The following RBFOX1 variants were observed in gnomAD, a reference collection of about 807,000 sequenced individuals.
The protein encoded by RBFOX1 is RNA binding protein fox-1 homolog 1.
Under a neutral mutation model 57.7 loss-of-function variants are expected in RBFOX1, and 8 were observed. That is an observed-to-expected ratio of 0.14 (90% confidence interval 0.08 to 0.25). The LOEUF (loss-of-function observed/expected upper bound fraction) is 0.25, where lower values mean the gene tolerates loss of function less well. Ranked by LOEUF, RBFOX1 falls within the 10% of genes least tolerant of loss-of-function variation. The pLI is 1.00. For missense variants in RBFOX1, 611 were observed against 548.5 expected, an observed-to-expected ratio of 1.11 and a Z score of -1.14; for synonymous variants, 326 against 222.4, an observed-to-expected ratio of 1.47 and a Z score of -4.15.
At chr16:7,501,036 A>T (rs971172652) in intron 4 of RBFOX1, among the ~76,000 whole-genome samples, 1 of 152,162 alleles carries the variant, frequency 6.6e-6, no homozygotes, top group Non-Finnish European at 1.5e-5. Context: ...CCATGATTGT[A>T]AGTTTCCTGA....
intron 1 of RBFOX1, among the ~76,000 whole-genome samples, chr16:6,183,284 T>C: frequency 6.6e-6 from 1 of 151,718 alleles, no homozygotes; most frequent in East Asian, 1.9e-4. Flanking sequence ...ATCGAGACCA[T>C]CCTGGGTAAC....
chr16:7,661,831 G>T (rs140019121), intron 12 of RBFOX1, among the ~76,000 whole-genome samples: 24 of 152,268 alleles, frequency 1.6e-4, no homozygotes, highest in African/African-American at 5.8e-4. Flanking sequence ...ATCAATGTAG[G>T]ATGTCAGCAA....
chr16:5,669,072 C>T (rs2049937842), intron 3 of RBFOX1, among the ~76,000 whole-genome samples: 2 of 152,116 alleles, frequency 1.3e-5, no homozygotes, highest in Admixed American at 1.3e-4. Flanking sequence ...GGATAGCACC[C>T]CAACAAAGAT....
chr16:6,659,296 T>C (rs2098686289), intron 3 of RBFOX1, among the ~76,000 whole-genome samples: 1 of 152,132 alleles, frequency 6.6e-6, no homozygotes, highest in African/African-American at 2.4e-5. Flanking sequence ...CTGGTGCAGC[T>C]AAACAGTTTC....
chr16:6,602,436 A>C (rs901257805), intron 2 of RBFOX1, among the ~76,000 whole-genome samples: 1 of 152,178 alleles, frequency 6.6e-6, no homozygotes, highest in African/African-American at 2.4e-5. Context: ...CTCTAGAGCA[A>C]GAAGGGAAGG....
At chr16:6,810,883 C>T (rs921929391) in intron 3 of RBFOX1, among the ~76,000 whole-genome samples, 2 of 152,094 alleles carry the variant, frequency 1.3e-5, no homozygotes, top group African/African-American at 2.4e-5. Context: ...GTGGGGATTA[C>T]GGTTCAAGAG....
intron 3 of RBFOX1, among the ~76,000 whole-genome samples, chr16:5,827,916 TCCAC>T (rs2056127332): frequency 1.7e-5 from 2 of 118,722 alleles, no homozygotes; most frequent in Admixed American, 7.9e-5. Flanking sequence ...CATCCATCCA[TCCAC>T]CCATCCACCC....
chr16:6,696,094 C>A (rs568185721), intron 3 of RBFOX1, among the ~76,000 whole-genome samples: 123 of 152,148 alleles, frequency 8.1e-4, no homozygotes, highest in Non-Finnish European at 1.4e-3. Flanking sequence ...AATTAAATTA[C>A]AGGTAGAATA....
At chr16:5,413,600 A>T (rs1429504154) in intron 1 of RBFOX1, among the ~76,000 whole-genome samples, 1 of 152,188 alleles carries the variant, frequency 6.6e-6, no homozygotes, top group Non-Finnish European at 1.5e-5. Flanking sequence ...GTTCTGTTGG[A>T]CAGTGCCTGT....
intron 1 of RBFOX1, among the ~76,000 whole-genome samples, chr16:5,301,635 A>AAG (rs1555484670): frequency 5.1e-4 from 73 of 142,026 alleles, no homozygotes; most frequent in African/African-American, 2.1e-3. Context: ...AAAAAAAAAA[A>AAG]AAACACACAA....
At chr16:7,598,462 A>C (rs1313778351) in intron 9 of RBFOX1, among the ~76,000 whole-genome samples, 3 of 152,292 alleles carry the variant, frequency 2.0e-5, no homozygotes, top group Admixed American at 6.5e-5. Context: ...TATACTTCTA[A>C]AATTTTAATT....
At chr16:5,885,999 G>A (rs1480571570) in intron 4 of RBFOX1, among the ~76,000 whole-genome samples, 1 of 152,136 alleles carries the variant, frequency 6.6e-6, no homozygotes, top group Non-Finnish European at 1.5e-5. Context: ...GAGTTGTCAT[G>A]AGATCTGGTT....
intron 3 of RBFOX1, among the ~76,000 whole-genome samples, chr16:7,044,767 T>C (rs1281711394): frequency 6.6e-6 from 1 of 152,226 alleles, no homozygotes; most frequent in African/African-American, 2.4e-5. Context: ...TTTAAGATAT[T>C]TTTCAAGGCT....
intron 3 of RBFOX1, among the ~76,000 whole-genome samples, chr16:5,779,778 G>A (rs547947689): frequency 3.9e-5 from 6 of 152,204 alleles, no homozygotes; most frequent in South Asian, 2.1e-4. Flanking sequence ...GAGGTGTTGC[G>A]GCACAGGAGG....
chr16:6,747,446 G>GTCTA (rs2073959197), intron 3 of RBFOX1, among the ~76,000 whole-genome samples: 2 of 18,960 alleles, frequency 1.1e-4, no homozygotes, highest in African/African-American at 3.3e-4. Flanking sequence ...CAGTCAGTTA[G>GTCTA]TCTGTCTGTC....
intron 1 of RBFOX1, among the ~76,000 whole-genome samples, chr16:6,306,496 C>T (rs74935549): frequency 0.019 from 2,946 of 152,312 alleles, 108 homozygotes; most frequent in African/African-American, 0.067. Flanking sequence ...CTACTGATTT[C>T]TTCATGGATG....
chr16:7,138,096 A>C (rs1195441455), intron 4 of RBFOX1, among the ~76,000 whole-genome samples: 2 of 152,116 alleles, frequency 1.3e-5, no homozygotes, highest in Admixed American at 6.5e-5. Context: ...GGTGACTCAG[A>C]GATTCGTATC....
chr16:7,595,870 G>A (rs923459659), intron 8 of RBFOX1, among the ~76,000 whole-genome samples: 7 of 150,392 alleles, frequency 4.7e-5, no homozygotes, highest in Admixed American at 6.6e-5. Flanking sequence ...TGGCAAACGT[G>A]AGACAAAAGA....
intron 3 of RBFOX1, among the ~76,000 whole-genome samples, chr16:5,861,083 A>C (rs1468765091): frequency 2.0e-5 from 3 of 152,208 alleles, no homozygotes. Flanking sequence ...CAGTGTCAAG[A>C]GATGGAGTCA....
Sources: allele counts gnomAD v4.1 joint callset (sites outside exome capture counted in the v4.1 genomes callset), GRCh38; gene constraint gnomAD v4.1.1; transcripts MANE v1.5; gene names NCBI Gene and HGNC (gene_info 2026-07-23, HGNC 2026-07-21).